The following SOS2 variants were observed in gnomAD, a reference collection of about 807,000 sequenced individuals.
SOS2 encodes son of sevenless homolog 2.
A neutral mutation model predicts 148.2 loss-of-function variants in SOS2; 65 were observed. That is an observed-to-expected ratio of 0.44 (90% confidence interval 0.36 to 0.54). The LOEUF (loss-of-function observed/expected upper bound fraction) is 0.54, where lower values mean the gene tolerates loss of function less well. Ranked by LOEUF, SOS2 falls within the 20% of genes least tolerant of loss-of-function variation. The pLI is 0.00. For synonymous variants in SOS2, 539 were observed against 537.1 expected (o/e 1.00, Z -0.05); for missense variants, 1,341 against 1,590.2 (o/e 0.84, Z 2.67).
intron 9 of SOS2, among the ~76,000 whole-genome samples, chr14:50,160,910 T>C (rs552569045): frequency 1.3e-5 from 2 of 151,962 alleles, no homozygotes; most frequent in African/African-American, 4.8e-5. Flanking sequence ...CTCCAGAGGG[T>C]TGAGGCAGGA....
intron 18 of SOS2, among the ~76,000 whole-genome samples, chr14:50,136,476 T>C (rs1884084013): frequency 1.3e-5 from 2 of 152,282 alleles, no homozygotes; most frequent in Non-Finnish European, 1.5e-5. Context: ...GTGGGGACCA[T>C]ATTTCCTTAG....
At chr14:50,152,982 A>G in intron 13 of SOS2, 88 bp downstream of exon 13, 2 of 645,994 alleles carry the variant, frequency 3.1e-6, no homozygotes, top group Non-Finnish European at 2.7e-6. Context: ...AAAAAGAGAG[A>G]GAAATGTTTT....
At chr14:50,152,469 G>A (rs1004697452) in intron 13 of SOS2, among the ~76,000 whole-genome samples, 10 of 152,006 alleles carry the variant, frequency 6.6e-5, no homozygotes, top group Non-Finnish European at 1.2e-4. Context: ...TTGAAGAAAT[G>A]GCAACCTTGC....
intron 8 of SOS2, among the ~76,000 whole-genome samples, chr14:50,170,016 C>A (rs1473601849): frequency 6.6e-6 from 1 of 151,964 alleles, no homozygotes; most frequent in Non-Finnish European, 1.5e-5. Flanking sequence ...GCCTTGACCT[C>A]CTGGACTCAA....
chr14:50,179,830 T>C (rs1258745820), intron 7 of SOS2, among the ~76,000 whole-genome samples: 3 of 152,200 alleles, frequency 2.0e-5, no homozygotes, highest in South Asian at 2.1e-4. Context: ...CTAACTTGCA[T>C]ACTCTCCCTC....
Position 50,138,732 on chromosome 14 carries a change from T to TA in SOS2, c.2837dup (p.Leu946PhefsTer13). 2 of 1,236,262 alleles carry TA rather than the reference T, an allele frequency of 1.6e-6. No homozygotes were observed. Among genetic ancestry groups the TA allele is most frequent in the Non-Finnish European group, 2.3e-6 (2 of 856,938 alleles). The allele number at this position is 1,236,262 out of a possible 1,614,324, so 76.6% of individuals were successfully genotyped here. On this transcript the variant is annotated frameshift_variant, in exon 18 of 23. Transcript: ENST00000216373. LOFTEE classifies it high-confidence loss of function. ...TGATTAAATCTTTCCCTTTCTTTTT[T>TA]AAAAAATCATTATTCCCTTCTTCGG...
At chr14:50,220,246 A>G (rs1877556544) in intron 1 of SOS2, among the ~76,000 whole-genome samples, 1 of 148,436 alleles carries the variant, frequency 6.7e-6, no homozygotes, top group African/African-American at 2.5e-5. Flanking sequence ...TAAAAATACA[A>G]AAAAAAAAAC....
At chr14:50,166,402 A>G (rs766382273) in intron 8 of SOS2, among the ~76,000 whole-genome samples, 18 of 151,826 alleles carry the variant, frequency 1.2e-4, no homozygotes, top group Admixed American at 2.6e-4. Context: ...CTAATTTTTG[A>G]ATTTTTTGTA....
At chr14:50,199,991 G>C (rs942093656) in intron 3 of SOS2, 136 bp from the exon 4 acceptor site, 56 of 529,946 alleles carry the variant, frequency 1.1e-4, no homozygotes, top group African/African-American at 1.0e-3. Flanking sequence ...GGTACCACGG[G>C]ATATAAAATG....
chr14:50,184,834 A>T (rs1418410021), intron 5 of SOS2, among the ~76,000 whole-genome samples: 1 of 146,384 alleles, frequency 6.8e-6, no homozygotes, highest in Non-Finnish European at 1.5e-5. Flanking sequence ...ACTGCACTTA[A>T]GCCTGGGCAA....
chr14:50,150,191 A>T lies in SOS2; in HGVS notation c.2201T>A (p.Ile734Asn). Residue 734 changes from isoleucine to asparagine, a missense_variant, in exon 14 of 23, where the codon ATC (isoleucine) becomes AAC (asparagine). Transcript: ENST00000216373. ...MKKWVESIAK[I>N]IRRKKQAQAN... ...CTGAGCTTGCTTCTTCCTCCTGATG[A>T]TCTTAGCAATTGACTCTACCCATTT... The T allele has an allele frequency of 6.2e-7, 1 of 1,613,300 alleles. No individual in the cohort carries two copies. The highest frequency in any genetic ancestry group is 8.5e-7 in the Non-Finnish European group (1 of 1,179,260).
intron 21 of SOS2, among the ~76,000 whole-genome samples, chr14:50,125,697 A>C (rs1883659717): frequency 6.6e-6 from 1 of 152,152 alleles, no homozygotes; most frequent in Admixed American, 6.5e-5. Flanking sequence ...GGTACAAAGG[A>C]AGGCATGGAC....
At chr14:50,182,191 A>G (rs368480659) in intron 6 of SOS2, among the ~76,000 whole-genome samples, 4 of 152,058 alleles carry the variant, frequency 2.6e-5, no homozygotes, top group East Asian at 1.9e-4. Flanking sequence ...TTCATAAAGA[A>G]TATCTTACAA....
chr14:50,142,710 TCTTA>T (rs1249459507), intron 16 of SOS2, among the ~76,000 whole-genome samples: 2 of 152,236 alleles, frequency 1.3e-5, no homozygotes, highest in Non-Finnish European at 2.9e-5. Flanking sequence ...TTAATCATTC[TCTTA>T]CTGATAGACA....
chr14:50,141,482 C>G (rs1884283059), intron 16 of SOS2, among the ~76,000 whole-genome samples: 1 of 152,016 alleles, frequency 6.6e-6, no homozygotes. Flanking sequence ...GATCATGCCA[C>G]TGTACTCCAG....
intron 5 of SOS2, among the ~76,000 whole-genome samples, chr14:50,188,130 C>T (rs889012782): frequency 6.6e-6 from 1 of 152,136 alleles, no homozygotes; most frequent in African/African-American, 2.4e-5. Flanking sequence ...GGGCTGGGTG[C>T]AGTGGATCAT....
chr14:50,182,340 C>G, intron 6 of SOS2, 123 bp downstream of exon 6: 1 of 856,170 alleles, frequency 1.2e-6, no homozygotes, highest in Non-Finnish European at 1.8e-6. Context: ...ACTACCATGC[C>G]TGGATAATTA....
chr14:50,223,881 G>T (rs116160799), intron 1 of SOS2, among the ~76,000 whole-genome samples: 2,040 of 152,128 alleles, frequency 0.013, 40 homozygotes, highest in African/African-American at 0.045. Context: ...TCATGTTTAA[G>T]AAAGAGGTCT....
intron 4 of SOS2, among the ~76,000 whole-genome samples, chr14:50,194,161 G>GT (rs1313221683): frequency 6.6e-6 from 1 of 152,178 alleles, no homozygotes; most frequent in African/African-American, 2.4e-5. Context: ...CCTGCAGCCT[G>GT]TTTTTGTAAA....
Sources: allele counts gnomAD v4.1 joint callset (sites outside exome capture counted in the v4.1 genomes callset), GRCh38; gene constraint gnomAD v4.1.1; transcripts MANE v1.5; gene names NCBI Gene and HGNC (gene_info 2026-07-23, HGNC 2026-07-21).